GNG7: variants seen among roughly 807,000 people sequenced by gnomAD.
GNG7 encodes the protein guanine nucleotide-binding protein G(I)/G(S)/G(O) subunit gamma-7.
A neutral mutation model predicts 4.0 loss-of-function variants in GNG7; 1 was observed. The ratio of observed to expected loss-of-function variants is 0.25; its 90% CI spans 0.09 to 1.18. The LOEUF (loss-of-function observed/expected upper bound fraction) is 1.18, where lower values mean the gene tolerates loss of function less well. Among genes scored for constraint, GNG7 ranks in the 50% most tolerant of loss-of-function variants. GNG7 has a pLI of 0.50. For synonymous variants in GNG7, 34 were observed against 36.9 expected, an observed-to-expected ratio of 0.92 and a Z score of 0.29; for missense variants, 86 against 91.9, an observed-to-expected ratio of 0.94 and a Z score of 0.26.
chr19:2,538,152 G>A, intron 3 of GNG7: 1 of 456,668 alleles, frequency 2.2e-6, no homozygotes, highest in Non-Finnish European at 4.4e-6. Flanking sequence ...CGGAGGCCCT[G>A]ATGCCATGGA....
intron 1 of GNG7, among the ~76,000 whole-genome samples, chr19:2,687,513 G>A (rs1478387005): frequency 6.6e-6 from 1 of 152,146 alleles, no homozygotes; most frequent in African/African-American, 2.4e-5. Flanking sequence ...CTAGTTGGGA[G>A]GTTGAGGTAG....
At chr19:2,608,761 G>T (rs549209512) in intron 2 of GNG7, among the ~76,000 whole-genome samples, 4 of 152,262 alleles carry the variant, frequency 2.6e-5, no homozygotes, top group Non-Finnish European at 4.4e-5. Context: ...GCTGTCAGGG[G>T]GCCTGCTGCG....
chr19:2,511,814 C>G lies in GNG7; in HGVS notation c.*3208G>C. The G allele has an allele frequency of 1.0e-6, 1 of 986,316 alleles. No individual in the cohort carries two copies. The highest frequency in any genetic ancestry group is 1.2e-6 in the Non-Finnish European group (1 of 830,264). The allele number at this position is 986,316 out of a possible 1,614,324, so 61.1% of individuals were successfully genotyped here. A position where few individuals can be genotyped will look rare whatever the true frequency, so the allele number is the denominator to read the frequency against. ...TGTCCCCAGAGGCCAGAGGTCGCAG[C>G]TGAGCTATCTGTGCTTGGCCTGGGG... On this transcript the variant is annotated 3_prime_UTR_variant, in exon 5 of 5. Coordinates refer to ENST00000382159, the MANE Select transcript of GNG7 (RefSeq NM_052847.3). This position sits in a 1 kb window ranked among gnomAD's most constrained non-coding sequence, Gnocchi z 6.3.
chr19:2,554,557 A>T (rs866853579), intron 3 of GNG7, among the ~76,000 whole-genome samples: 120 of 71,704 alleles, frequency 1.7e-3, no homozygotes, highest in South Asian at 2.6e-3. Context: ...ATATATATAT[A>T]TATTTTTTTT....
intron 1 of GNG7, among the ~76,000 whole-genome samples, chr19:2,651,280 CCCT>C (rs1982811104): frequency 1.1e-4 from 11 of 101,742 alleles, no homozygotes; most frequent in Non-Finnish European, 9.7e-5. Context: ...TTCCCTCCCT[CCCT>C]CCATCCCTCC....
intron 1 of GNG7, among the ~76,000 whole-genome samples, chr19:2,646,699 T>C (rs1186573284): frequency 6.7e-6 from 1 of 149,736 alleles, no homozygotes; most frequent in Non-Finnish European, 1.5e-5. Flanking sequence ...AAAAAAATAA[T>C]AGAAAAGGAA....
intron 2 of GNG7, among the ~76,000 whole-genome samples, chr19:2,587,944 AAAAG>A (rs139983209): frequency 1.2e-3 from 190 of 152,238 alleles, no homozygotes; most frequent in African/African-American, 4.5e-3. Context: ...AAAGAAAAGA[AAAAG>A]AAAGAAAGAA....
chr19:2,571,161 C>G (rs938837294), intron 2 of GNG7, among the ~76,000 whole-genome samples: 4 of 150,214 alleles, frequency 2.7e-5, no homozygotes, highest in African/African-American at 9.8e-5. Context: ...CCACCCTGGC[C>G]TCTCGGACTG....
Position 2,521,612 on chromosome 19 carries a change from G to GTTTT in GNG7, c.-37-891_-37-888dup, listed in dbSNP as rs71178284. Among the ~76,000 whole-genome samples, 784 of 104,662 alleles carry GTTTT rather than the reference G, an allele frequency of 7.5e-3. 62 individuals are homozygous for GTTTT. The highest frequency in any genetic ancestry group is 0.026 in the African/African-American group (673 of 25,482). 68.7% of individuals were successfully genotyped at this position (104,662 alleles called of 152,430 possible). A position where few individuals can be genotyped will look rare whatever the true frequency, so the allele number is the denominator to read the frequency against. On this transcript the variant is annotated intron_variant, in intron 3 of 4. Coordinates refer to ENST00000382159, the MANE Select transcript of GNG7 (RefSeq NM_052847.3). ...ACCCCTGGTGACTGTCCCCCTCCGT[G>GTTTT]TTTTTTTTTTTTTTTTTTTGAGACA...
chr19:2,548,604 C>T (rs986560344), intron 3 of GNG7, among the ~76,000 whole-genome samples: 21 of 151,048 alleles, frequency 1.4e-4, no homozygotes, highest in African/African-American at 4.6e-4. Flanking sequence ...GCCTGGCCAA[C>T]GTGGTGAAAC....
At chr19:2,670,968 G>A (rs1341657886) in intron 1 of GNG7, among the ~76,000 whole-genome samples, 1 of 152,116 alleles carries the variant, frequency 6.6e-6, no homozygotes, top group African/African-American at 2.4e-5. Context: ...GGAGAGAGGG[G>A]GTGAATCCCA....
intron 2 of GNG7, among the ~76,000 whole-genome samples, chr19:2,590,848 T>A (rs926077673): frequency 6.7e-6 from 1 of 149,708 alleles, no homozygotes; most frequent in African/African-American, 2.5e-5. Flanking sequence ...CACTCATCCA[T>A]CCACCCACCC....
chr19:2,609,295 G>A lies in GNG7; in HGVS notation c.-78+36929C>T, dbSNP rs994581691. On this transcript the variant is annotated intron_variant, in intron 2 of 4. Coordinates refer to ENST00000382159, the MANE Select transcript of GNG7 (RefSeq NM_052847.3). This position sits in a 1 kb window ranked among gnomAD's most constrained non-coding sequence, Gnocchi z 4.4. ...CCACCTCAGTGTCCTGTGGAGCTGGGACTACAGGCACGTACCACCCCACCC... is the reference window on the plus strand; with the variant it reads ...CCACCTCAGTGTCCTGTGGAGCTGGAACTACAGGCACGTACCACCCCACCC... 3.4e-4 allele frequency among the ~76,000 whole-genome samples: 52 copies of A among 152,128 alleles called. No individual in the cohort carries two copies. Among genetic ancestry groups the A allele is most frequent in the African/African-American group, 1.1e-3 (46 of 41,426 alleles).
At chr19:2,600,958 G>A (rs1218119753) in intron 2 of GNG7, among the ~76,000 whole-genome samples, 1 of 152,032 alleles carries the variant, frequency 6.6e-6, no homozygotes, top group African/African-American at 2.4e-5. Context: ...TGAAAAGTAC[G>A]GCTGAAGGAG....
At chr19:2,538,860 C>T (rs1599379582) in intron 3 of GNG7, 1 of 265,306 alleles carries the variant, frequency 3.8e-6, no homozygotes, top group East Asian at 1.3e-4. Context: ...ACTCTGCGTC[C>T]TGGGTTCAAG....
intron 2 of GNG7, among the ~76,000 whole-genome samples, chr19:2,575,676 GACACGCAGGC>G (rs1220452140): frequency 8.3e-6 from 1 of 120,196 alleles, no homozygotes; most frequent in African/African-American, 3.3e-5. Context: ...GGCACATGCA[GACACGCAGGC>G]ACACGCAGAC....
At chr19:2,580,257 C>T (rs979597998) in intron 2 of GNG7, among the ~76,000 whole-genome samples, 24 of 151,120 alleles carry the variant, frequency 1.6e-4, no homozygotes, top group Middle Eastern at 3.4e-3. Flanking sequence ...AGGGATAGGA[C>T]GCAGCCCTGC....
intron 2 of GNG7, among the ~76,000 whole-genome samples, chr19:2,574,007 C>A (rs1980231051): frequency 6.6e-6 from 1 of 152,164 alleles, no homozygotes; most frequent in Admixed American, 6.6e-5. Flanking sequence ...CGGAGTTCTG[C>A]CGCCTCGGGG....
intron 1 of GNG7, among the ~76,000 whole-genome samples, chr19:2,698,662 T>A (rs1428256892): frequency 6.6e-6 from 1 of 152,086 alleles, no homozygotes; most frequent in African/African-American, 2.4e-5. Context: ...CCATGAAGCA[T>A]CTTCAAAAAT....
Sources: allele counts gnomAD v4.1 joint callset (sites outside exome capture counted in the v4.1 genomes callset), GRCh38; gene constraint gnomAD v4.1.1; non-coding constraint Gnocchi (gnomAD v3.1); transcripts MANE v1.5; gene names NCBI Gene and HGNC (gene_info 2026-07-23, HGNC 2026-07-21).